KIAA1217: variants seen among roughly 807,000 people sequenced by gnomAD.
KIAA1217 encodes the protein sickle tail protein homolog.
KIAA1217 carries 88 observed loss-of-function variants against 163.9 expected under a neutral mutation model. That is an observed-to-expected ratio of 0.54 (90% CI 0.45 to 0.64). KIAA1217 has a LOEUF of 0.64. Among genes scored for constraint, KIAA1217 ranks in the 30% least tolerant of loss-of-function variants. KIAA1217 has a pLI of 0.00. For missense variants in KIAA1217, 2,372 were observed against 2,475.0 expected (o/e 0.96, Z 0.88); for synonymous variants, 903 against 923.1 (o/e 0.98, Z 0.39).
intron 1 of KIAA1217, among the ~76,000 whole-genome samples, chr10:23,850,889 A>G (rs1352633420): frequency 6.6e-6 from 1 of 152,060 alleles, no homozygotes; most frequent in African/African-American, 2.4e-5. Context: ...GGAATGTGCT[A>G]CACAATTTTA....
intron 2 of KIAA1217, among the ~76,000 whole-genome samples, chr10:24,359,669 T>G (rs1349290457): frequency 6.6e-6 from 1 of 152,192 alleles, no homozygotes; most frequent in African/African-American, 2.4e-5. Flanking sequence ...TATCCTATAT[T>G]CACTATAGGA....
At chr10:23,985,731 C>G (rs1845944590) in intron 1 of KIAA1217, among the ~76,000 whole-genome samples, 1 of 152,188 alleles carries the variant, frequency 6.6e-6, no homozygotes, top group African/African-American at 2.4e-5. Context: ...TTCCTTGGCT[C>G]CAGGTTGAGG....
intron 6 of KIAA1217, among the ~76,000 whole-genome samples, chr10:24,475,918 G>A (rs945180172): frequency 2.6e-5 from 4 of 152,088 alleles, no homozygotes; most frequent in Non-Finnish European, 5.9e-5. Context: ...TGGAACTTAC[G>A]GGAGCAAGAA....
At chr10:24,109,123 GCCTGGCC>G in intron 2 of KIAA1217, among the ~76,000 whole-genome samples, 1 of 152,150 alleles carries the variant, frequency 6.6e-6, no homozygotes, top group African/African-American at 2.4e-5. Flanking sequence ...GAGCTACCGT[GCCTGGCC>G]AAGACTGGGT....
intron 2 of KIAA1217, among the ~76,000 whole-genome samples, chr10:24,111,954 T>C (rs1346033227): frequency 1.3e-5 from 2 of 152,024 alleles, no homozygotes; most frequent in Non-Finnish European, 2.9e-5. Context: ...GTTGTTGTTG[T>C]TGTTGTTTGT....
intron 2 of KIAA1217, among the ~76,000 whole-genome samples, chr10:24,336,182 G>A (rs1049819465): frequency 6.6e-5 from 10 of 152,110 alleles, no homozygotes; most frequent in Non-Finnish European, 1.5e-4. Context: ...GGTGGAAGTT[G>A]CATGACCCGA....
intron 2 of KIAA1217, among the ~76,000 whole-genome samples, chr10:24,314,251 G>A (rs1198699850): frequency 6.6e-6 from 1 of 152,090 alleles, no homozygotes; most frequent in Non-Finnish European, 1.5e-5. Flanking sequence ...AAAATAAATA[G>A]AACCAACCAC....
At chr10:24,403,362 C>T (rs1447081913) in intron 3 of KIAA1217, among the ~76,000 whole-genome samples, 1 of 152,168 alleles carries the variant, frequency 6.6e-6, no homozygotes, top group East Asian at 1.9e-4. Flanking sequence ...CCTCAGCCTC[C>T]TGAATAGCTG....
At position 24,524,422 on chromosome 10, in the gene KIAA1217, G is replaced by A; in HGVS notation, c.2556G>A (p.Gln852=). Reference sequence around the variant, plus strand: ...CAGCCGCAGAAGTCCTGAAGAGTCAGGAGGAGGCAGCCCACACCTCCGGCC... The same window carrying A: ...CAGCCGCAGAAGTCCTGAAGAGTCAAGAGGAGGCAGCCCACACCTCCGGCC... ...KATAAEVLKS[Q]EEAAHTSGQP... is the part of the protein sequence containing the mutation. Residue 852 remains glutamine (Q), a synonymous_variant, in exon 13 of 21, where the codon CAG becomes CAA. Coordinates refer to ENST00000376454, the MANE Select transcript of KIAA1217 (RefSeq NM_019590.5). 6.2e-7 allele frequency: 1 copy of A among 1,614,228 alleles called. No homozygotes were observed.
chr10:24,437,773 A>G (rs1329471266), intron 4 of KIAA1217, among the ~76,000 whole-genome samples: 1 of 152,098 alleles, frequency 6.6e-6, no homozygotes, highest in South Asian at 2.1e-4. Flanking sequence ...TTGTATATAG[A>G]AAAACTAATT....
chr10:24,185,330 A>G (rs540934669), intron 2 of KIAA1217, among the ~76,000 whole-genome samples: 2 of 152,304 alleles, frequency 1.3e-5, no homozygotes, highest in South Asian at 4.2e-4. Flanking sequence ...CTTAATGAGA[A>G]TCTCCTCCAA....
intron 2 of KIAA1217, among the ~76,000 whole-genome samples, chr10:24,099,860 G>A (rs556027629): frequency 1.5e-4 from 22 of 151,096 alleles, no homozygotes; most frequent in East Asian, 1.4e-3. Flanking sequence ...TTGTCCTTGC[G>A]ACACTGCAGG....
intron 2 of KIAA1217, among the ~76,000 whole-genome samples, chr10:24,201,266 A>G (rs2067241967): frequency 6.6e-6 from 1 of 152,160 alleles, no homozygotes; most frequent in African/African-American, 2.4e-5. Context: ...GCAAAACTCC[A>G]TCTCAAAAAA....
At chr10:24,371,358 G>A (rs535356490) in intron 2 of KIAA1217, among the ~76,000 whole-genome samples, 4 of 152,312 alleles carry the variant, frequency 2.6e-5, no homozygotes, top group Non-Finnish European at 5.9e-5. Flanking sequence ...ATGAAGGGTT[G>A]AAAGGTGGAA....
intron 2 of KIAA1217, among the ~76,000 whole-genome samples, chr10:24,368,438 G>C (rs2051095265): frequency 6.6e-6 from 1 of 151,668 alleles, no homozygotes; most frequent in Admixed American, 6.6e-5. Context: ...TAAATCTTCA[G>C]TACTGACTTT....
intron 2 of KIAA1217, among the ~76,000 whole-genome samples, chr10:24,239,689 G>A (rs923231806): frequency 7.3e-6 from 1 of 137,586 alleles, no homozygotes; most frequent in Non-Finnish European, 1.6e-5. Flanking sequence ...GTGTGTGTGT[G>A]TGTGTGTTTG....
At chr10:24,176,534 A>G (rs944061210) in intron 2 of KIAA1217, among the ~76,000 whole-genome samples, 2 of 152,092 alleles carry the variant, frequency 1.3e-5, no homozygotes, top group African/African-American at 4.8e-5. Context: ...TTGGCTAGAC[A>G]TAGAGTGCTG....
intron 2 of KIAA1217, among the ~76,000 whole-genome samples, chr10:24,177,298 T>TATATATATATATATA (rs58744670): frequency 4.4e-5 from 3 of 68,620 alleles, no homozygotes; most frequent in African/African-American, 9.6e-5. Flanking sequence ...TATATATATA[T>TATATATATATATATA]TACAATTTCT....
intron 2 of KIAA1217, among the ~76,000 whole-genome samples, chr10:24,266,677 A>C (rs1170006380): frequency 6.6e-6 from 1 of 151,956 alleles, no homozygotes; most frequent in Non-Finnish European, 1.5e-5. Context: ...ACTAATCAGC[A>C]CTCTGTAAAA....
Sources: gnomAD v4.1 joint callset for allele counts (sites outside exome capture counted in the v4.1 genomes callset) on GRCh38, gnomAD v4.1.1 for gene constraint, MANE v1.5 for transcripts, NCBI Gene and HGNC (gene_info 2026-07-23, HGNC 2026-07-21) for gene names.